The following EPB41L4B variants were observed in gnomAD, a reference collection of about 807,000 sequenced individuals.
EPB41L4B encodes erythrocyte membrane protein band 4.1 like 4B.
Under a neutral mutation model 112.5 loss-of-function variants are expected in EPB41L4B, and 30 were observed. The observed-to-expected ratio is 0.27, with a 90% confidence interval of 0.20 to 0.36. The LOEUF (loss-of-function observed/expected upper bound fraction) is 0.36, where lower values mean the gene tolerates loss of function less well. EPB41L4B is among the 10% of genes least tolerant of loss of function. The probability of loss-of-function intolerance (pLI) is 1.00; values close to 1 mark genes in which losing one functional copy is unlikely to be tolerated. For missense variants in EPB41L4B, 1,024 were observed against 1,133.3 expected, an observed-to-expected ratio of 0.90 and a Z score of 1.38; for synonymous variants, 408 against 439.7, an observed-to-expected ratio of 0.93 and a Z score of 0.90.
At position 109,298,374 on chromosome 9, in the gene EPB41L4B, C is replaced by T. The variant is rs56661879; in HGVS notation, c.307-18453G>A. Among the ~76,000 whole-genome samples the T allele has an allele frequency of 1.3e-4, 20 of 149,256 alleles. No homozygotes were observed. The East Asian group carries it at 2.2e-3, about 16-fold the overall frequency. On this transcript the variant is annotated intron_variant, in intron 1 of 25. Coordinates refer to ENST00000374566, the MANE Select transcript of EPB41L4B (RefSeq NM_019114.5). ...TGTCACCCAGGCTGGAGTGCAGTGG[C>T]GCAATCTCGGCTCACTGCAACCTCT...
chr9:109,244,313 T>C (rs1588165734), intron 14 of EPB41L4B, among the ~76,000 whole-genome samples: 3 of 149,188 alleles, frequency 2.0e-5, no homozygotes, highest in Middle Eastern at 6.8e-3. Flanking sequence ...GGGAGAGAGT[T>C]TGAGAAGAAG....
intron 4 of EPB41L4B, among the ~76,000 whole-genome samples, chr9:109,265,803 G>A (rs1208388788): frequency 1.3e-5 from 2 of 152,138 alleles, no homozygotes; most frequent in African/African-American, 4.8e-5. Context: ...CCCTACCTAC[G>A]GAAACAGAAT....
At chr9:109,175,667 T>C (rs1024430959) in intron 25 of EPB41L4B, among the ~76,000 whole-genome samples, 1 of 152,150 alleles carries the variant, frequency 6.6e-6, no homozygotes, top group Non-Finnish European at 1.5e-5. Flanking sequence ...CCACCATGCC[T>C]GGCAAAATAC....
chr9:109,260,675 G>A (rs1364920587), intron 6 of EPB41L4B, among the ~76,000 whole-genome samples: 2 of 152,048 alleles, frequency 1.3e-5, no homozygotes, highest in African/African-American at 2.4e-5. Context: ...TCGGCCTCCC[G>A]AAGTGCTGGG....
intron 11 of EPB41L4B, among the ~76,000 whole-genome samples, chr9:109,254,051 TCTGATGTACTCCTCAA>T (rs1277539363): frequency 6.6e-6 from 1 of 152,222 alleles, no homozygotes; most frequent in Non-Finnish European, 1.5e-5. Flanking sequence ...GCTGGTTTCG[TCTGATGTACTCCTCAA>T]CTGCTTCATT....
At chr9:109,199,397 G>A (rs533756402) in intron 20 of EPB41L4B, among the ~76,000 whole-genome samples, 5 of 152,052 alleles carry the variant, frequency 3.3e-5, no homozygotes, top group African/African-American at 1.2e-4. Context: ...GGCCAGGTGC[G>A]GTGGCTCACA....
chr9:109,268,023 T>C (rs1835468695), intron 3 of EPB41L4B, among the ~76,000 whole-genome samples: 1 of 152,228 alleles, frequency 6.6e-6, no homozygotes, highest in South Asian at 2.1e-4. Context: ...TTGAGAAAGC[T>C]GTAGCAGACT....
intron 15 of EPB41L4B, among the ~76,000 whole-genome samples, chr9:109,233,085 T>C (rs980473601): frequency 1.3e-5 from 2 of 152,156 alleles, no homozygotes; most frequent in African/African-American, 4.8e-5. Context: ...CACCATTCAG[T>C]AGGGGACGAT....
chr9:109,189,119 C>T (rs1832368826), intron 22 of EPB41L4B, among the ~76,000 whole-genome samples: 1 of 152,214 alleles, frequency 6.6e-6, no homozygotes, highest in African/African-American at 2.4e-5. Context: ...TCTTGACTCA[C>T]TTGCCTCCTT....
chr9:109,311,839 C>T (rs1201141364), intron 1 of EPB41L4B, among the ~76,000 whole-genome samples: 1 of 152,176 alleles, frequency 6.6e-6, no homozygotes, highest in Non-Finnish European at 1.5e-5. Flanking sequence ...TACTTACCAG[C>T]AGAGTGGCCC....
intron 19 of EPB41L4B, among the ~76,000 whole-genome samples, chr9:109,202,612 T>C (rs1832872598): frequency 6.6e-6 from 1 of 152,124 alleles, no homozygotes; most frequent in Non-Finnish European, 1.5e-5. Context: ...ACCACCACCA[T>C]GCCAAGAAGG....
intron 1 of EPB41L4B, among the ~76,000 whole-genome samples, chr9:109,293,698 TA>T (rs58106653): frequency 0.62 from 81,337 of 131,520 alleles, 24,652 homozygotes; most frequent in East Asian, 0.82. Flanking sequence ...TACACATTCT[TA>T]AAAAAAAAAA....
At chr9:109,275,381 C>T (rs933820610) in intron 2 of EPB41L4B, among the ~76,000 whole-genome samples, 10 of 152,180 alleles carry the variant, frequency 6.6e-5, no homozygotes, top group Admixed American at 2.0e-4. Context: ...ATCTATTACC[C>T]TACTGTTTGC....
Position 109,279,955 on chromosome 9 carries a change from G to A in EPB41L4B, c.307-34C>T, listed in dbSNP as rs755554301. On this transcript the variant is annotated intron_variant, in intron 1 of 25. Transcript: ENST00000374566. ...CAATTGGGAAGATGAAAAAACTTAG[G>A]GTGAGACAGCTAGATAAGAAAAAAA... is the stretch of plus-strand genomic sequence containing the variant. The A allele has an allele frequency of 3.9e-6, 6 of 1,545,660 alleles. No individual in the cohort carries two copies. In the African/African-American group the frequency reaches 6.9e-5, roughly 18 times the overall value.
At chr9:109,276,262 T>C (rs1425045713) in intron 2 of EPB41L4B, among the ~76,000 whole-genome samples, 1 of 149,608 alleles carries the variant, frequency 6.7e-6, no homozygotes, top group Non-Finnish European at 1.5e-5. Context: ...AAGATTTGCA[T>C]AGTAGAAAAA....
chr9:109,201,139 T>C (rs1030329417), intron 19 of EPB41L4B, among the ~76,000 whole-genome samples: 1 of 152,188 alleles, frequency 6.6e-6, no homozygotes, highest in Non-Finnish European at 1.5e-5. Flanking sequence ...GTGATAAGTA[T>C]GTGGCCGGGG....
chr9:109,216,741 A>C (rs1332132442), intron 16 of EPB41L4B, among the ~76,000 whole-genome samples, 181 bp downstream of exon 16: 1 of 152,130 alleles, frequency 6.6e-6, no homozygotes. Context: ...ATAATCCCTA[A>C]AGTGCTTCTG....
rs1217700996 is a variant in EPB41L4B at position 109,247,785 on chromosome 9, T to C, written c.1315A>G (p.Lys439Glu). The C allele has an allele frequency of 4.7e-6, 7 of 1,502,018 alleles. No individual in the cohort carries two copies. The highest frequency in any genetic ancestry group is 2.5e-5 in the East Asian group (1 of 40,254). The allele number at this position is 1,502,018 out of a possible 1,614,324, so 93.0% of individuals were successfully genotyped here. A position where few individuals can be genotyped will look rare whatever the true frequency, so the allele number is the denominator to read the frequency against. ...TAATTATGGACTTCTGGATTTGTTT[T>C]AGAGCTAAACAAACAAACAAACAAA... is the stretch of plus-strand genomic sequence containing the variant. The part of the protein sequence containing the change: ...NPVIAAQLCS[K>E]TNPEVHNYQP... Residue 439 changes from lysine (K) to glutamate (E), a missense_variant, in exon 14 of 26, where the codon AAA becomes GAA. By Grantham distance (56) the Lys-to-Glu change is moderately conservative. Coordinates refer to ENST00000374566, the MANE Select transcript of EPB41L4B (RefSeq NM_019114.5).
chr9:109,231,960 A>G (rs1284734249), intron 15 of EPB41L4B, among the ~76,000 whole-genome samples: 2 of 151,962 alleles, frequency 1.3e-5, no homozygotes, highest in African/African-American at 4.8e-5. Context: ...TTGCCTTACA[A>G]CAGTCACTTC....
Sources: allele counts gnomAD v4.1 joint callset (sites outside exome capture counted in the v4.1 genomes callset), GRCh38; gene constraint gnomAD v4.1.1; transcripts MANE v1.5; gene names NCBI Gene and HGNC (gene_info 2026-07-23, HGNC 2026-07-21).